SMARCA5: variants seen among roughly 807,000 people sequenced by gnomAD.
The protein encoded by SMARCA5 is SNF2 related chromatin remodeling ATPase 5.
SMARCA5 carries 18 observed loss-of-function variants against 140.4 expected under a neutral mutation model. That is an observed-to-expected ratio of 0.13 (90% CI 0.09 to 0.19). The LOEUF is 0.19. Among genes scored for constraint, SMARCA5 ranks in the 10% least tolerant of loss-of-function variants. SMARCA5 has a pLI of 1.00. For synonymous variants in SMARCA5, 449 were observed against 419.6 expected (o/e 1.07, Z -0.86); for missense variants, 606 against 1,276.8 (o/e 0.47, Z 8.01).
chr4:143,539,062 G>A, intron 13 of SMARCA5, 124 bp downstream of exon 13: 1 of 832,662 alleles, frequency 1.2e-6, no homozygotes, highest in South Asian at 1.7e-5. Flanking sequence ...TAATGGTTCA[G>A]TGAGAGTATA....
Position 143,526,305 on chromosome 4 carries a change from A to G in SMARCA5, c.646A>G (p.Ile216Val). ...EMGLGKTLQT[I>V]SLLGYMKHYR... Reference sequence around the variant, plus strand: ...GGGCCTAGGAAAGACTCTTCAAACAATTTCTCTTCTTGGGTACATGAAACA... The same window carrying G: ...GGGCCTAGGAAAGACTCTTCAAACAGTTTCTCTTCTTGGGTACATGAAACA... The change falls in exon 6 of 24, where the codon ATT becomes GTT. Residue 216 changes from isoleucine to valine, a missense_variant. Coordinates refer to ENST00000283131, the MANE Select transcript of SMARCA5 (RefSeq NM_003601.4). 1 of 1,613,900 alleles carries G rather than the reference A, an allele frequency of 6.2e-7. No individual in the cohort carries two copies. The highest frequency in any genetic ancestry group is 8.5e-7 in the Non-Finnish European group (1 of 1,179,918).
intron 18 of SMARCA5, 48 bp downstream of exon 18, chr4:143,545,631 G>T (rs773558899): frequency 1.8e-6 from 2 of 1,127,556 alleles, no homozygotes; most frequent in South Asian, 2.6e-5. Flanking sequence ...CAGAAATTAT[G>T]GAAGGTATAA....
At chr4:143,514,870 G>GA (rs34359057) in intron 1 of SMARCA5, among the ~76,000 whole-genome samples, 16 of 148,760 alleles carry the variant, frequency 1.1e-4, no homozygotes, top group South Asian at 2.1e-4. Flanking sequence ...CTGGCCTTAA[G>GA]AAAAAAAAAA....
At chr4:143,523,124 T>G (rs1358947408) in intron 3 of SMARCA5, among the ~76,000 whole-genome samples, 1 of 151,818 alleles carries the variant, frequency 6.6e-6, no homozygotes, top group Non-Finnish European at 1.5e-5. Flanking sequence ...CTGCAAGTTG[T>G]GCCTCTGGGG....
rs1247794731 is a variant in SMARCA5 at position 143,555,108 on chromosome 4, TACTACTGCTACTGGAACTGCCTTAACC to T, written c.*1949_*1975del. ...TAAAATCTTCTGTCAGTGCCACAGCTACTACTGCTACTGGAACTGCCTTAACCACTACTGCTACTGGAACTGCCTTAG... is the reference window on the plus strand; with the variant it reads ...TAAAATCTTCTGTCAGTGCCACAGCTACTACTGCTACTGGAACTGCCTTAG... On this transcript the variant is annotated 3_prime_UTR_variant, in exon 24 of 24. Coordinates refer to ENST00000283131, the MANE Select transcript of SMARCA5 (RefSeq NM_003601.4). 1.3e-5 allele frequency: 9 copies of T among 668,032 alleles called. No individual in the cohort carries two copies. Among genetic ancestry groups the T allele is most frequent in the East Asian group, 8.5e-5 (3 of 35,346 alleles). The allele number at this position is 668,032 out of a possible 1,614,324, so 41.4% of individuals were successfully genotyped here.
chr4:143,550,207 AC>A (rs1011459602), intron 23 of SMARCA5, 103 bp downstream of exon 23: 29 of 472,940 alleles, frequency 6.1e-5, no homozygotes, highest in African/African-American at 5.2e-4. Context: ...CCTGTTGTGC[AC>A]CCCTCCATTG....
Position 143,547,925 on chromosome 4 carries a change from T to C in SMARCA5, c.2773-3T>C. 1 of 1,523,782 alleles carries C rather than the reference T, an allele frequency of 6.6e-7. No individual in the cohort carries two copies. The highest frequency in any genetic ancestry group is 1.2e-5 in the South Asian group (1 of 80,934). 94.4% of individuals were successfully genotyped at this position (1,523,782 alleles called of 1,614,324 possible). A position where few individuals can be genotyped will look rare whatever the true frequency, so the allele number is the denominator to read the frequency against. On this transcript the variant is annotated splice_polypyrimidine_tract_variant and splice_region_variant and intron_variant, in intron 21 of 23. Transcript: ENST00000283131. ...TATATAATATAAAATCTGACTTTCA[T>C]AGATTGGACGGTACAAAGCACCTTT...
At chr4:143,532,837 A>T (rs1048909027) in intron 9 of SMARCA5, among the ~76,000 whole-genome samples, 1 of 152,112 alleles carries the variant, frequency 6.6e-6, no homozygotes, top group Non-Finnish European at 1.5e-5. Context: ...GGGGTTATCC[A>T]GTTACATTTA....
intron 1 of SMARCA5, among the ~76,000 whole-genome samples, chr4:143,516,713 T>TG (rs79839175): frequency 0.22 from 34,193 of 152,108 alleles, 4,236 homozygotes; most frequent in East Asian, 0.6. Context: ...GCATCATTAA[T>TG]GAAGATTACT....
rs1315692455 is a variant in SMARCA5 at position 143,557,206 on chromosome 4, A to G, written c.*4022A>G. 1.3e-5 allele frequency: 2 copies of G among 152,234 alleles called. No homozygotes were observed. The highest frequency in any genetic ancestry group is 2.9e-5 in the Non-Finnish European group (2 of 68,056). 9.4% of individuals were successfully genotyped at this position (152,234 alleles called of 1,614,324 possible). ...TGTGGCTCTTATCTCTAGGACACCA[A>G]TATTTAATGTTGCATATCATGTATC... On this transcript the variant is annotated 3_prime_UTR_variant, in exon 24 of 24. Transcript: ENST00000283131.
At position 143,536,446 on chromosome 4, in the gene SMARCA5, G is replaced by A; in HGVS notation, c.1269-6G>A. 1 of 1,594,310 alleles carries A rather than the reference G, an allele frequency of 6.3e-7. No homozygotes were observed. Among genetic ancestry groups the A allele is most frequent in the Non-Finnish European group, 8.6e-7 (1 of 1,162,326 alleles). On this transcript the variant is annotated splice_region_variant and splice_polypyrimidine_tract_variant and intron_variant, in intron 10 of 23. Transcript: ENST00000283131. ...AGCTCTAAAAATGTTTTTCTTCTTTGAATAGGTATACTCGGATATTAATGA... is the reference window on the plus strand; with the variant it reads ...AGCTCTAAAAATGTTTTTCTTCTTTAAATAGGTATACTCGGATATTAATGA...
At chr4:143,551,010 A>C (rs997568714) in intron 23 of SMARCA5, among the ~76,000 whole-genome samples, 1 of 151,954 alleles carries the variant, frequency 6.6e-6, no homozygotes, top group African/African-American at 2.4e-5. Flanking sequence ...GATTGTACTA[A>C]TTTGCGTTCC....
intron 11 of SMARCA5, 136 bp downstream of exon 11, chr4:143,536,814 T>C: frequency 1.5e-6 from 1 of 653,782 alleles, no homozygotes; most frequent in Non-Finnish European, 2.7e-6. Flanking sequence ...ACCTGTTCAT[T>C]ATCTGAGCTC....
intron 4 of SMARCA5, among the ~76,000 whole-genome samples, chr4:143,524,858 T>TA (rs1230888463): frequency 6.6e-6 from 1 of 152,198 alleles, no homozygotes; most frequent in Non-Finnish European, 1.5e-5. Flanking sequence ...GTTAGCTTTT[T>TA]ATCCTCAAGT....
intron 4 of SMARCA5, 113 bp from the exon 5 acceptor site, chr4:143,525,338 A>C (rs1047501098): frequency 1.4e-5 from 10 of 709,528 alleles, no homozygotes; most frequent in Non-Finnish European, 2.5e-5. Flanking sequence ...GTTCCTATTC[A>C]AGAATCCGTT....
intron 14 of SMARCA5, 73 bp from the exon 15 acceptor site, chr4:143,543,436 A>T: frequency 8.4e-7 from 1 of 1,195,786 alleles, no homozygotes; most frequent in Non-Finnish European, 1.2e-6. Flanking sequence ...ATTAAACCTT[A>T]CATTTAAAGT....
rs1035426222 is a variant in SMARCA5 at position 143,557,207 on chromosome 4, T to C, written c.*4023T>C. ...GTGGCTCTTATCTCTAGGACACCAATATTTAATGTTGCATATCATGTATCT... is the reference window on the plus strand; with the variant it reads ...GTGGCTCTTATCTCTAGGACACCAACATTTAATGTTGCATATCATGTATCT... On this transcript the variant is annotated 3_prime_UTR_variant, in exon 24 of 24. Coordinates refer to ENST00000283131, the MANE Select transcript of SMARCA5 (RefSeq NM_003601.4). The C allele has an allele frequency of 6.6e-6, 1 of 152,222 alleles. No individual in the cohort carries two copies. The highest frequency in any genetic ancestry group is 2.4e-5 in the African/African-American group (1 of 41,450). 9.4% of individuals were successfully genotyped at this position (152,222 alleles called of 1,614,324 possible).
At chr4:143,534,679 T>A (rs1003059381) in intron 9 of SMARCA5, among the ~76,000 whole-genome samples, 176 bp from the exon 10 acceptor site, 1 of 152,182 alleles carries the variant, frequency 6.6e-6, no homozygotes, top group African/African-American at 2.4e-5. Flanking sequence ...GGACAGGAAC[T>A]AGTCTCCCAC....
In SMARCA5 at chr4:143,532,668, C is replaced by A. The variant is rs1003563893; in HGVS notation, c.1158+2142C>A. 2.0e-5 allele frequency among the ~76,000 whole-genome samples: 3 copies of A among 151,958 alleles called. No individual in the cohort carries two copies. The South Asian group carries it at 6.2e-4, about 32-fold the overall frequency. ...TAGTTATCTAATGCTGCAAAAGAAC[C>A]CCTTATTCCCTCCACCCCCCAAAAA... On this transcript the variant is annotated intron_variant, in intron 9 of 23. Coordinates refer to ENST00000283131, the MANE Select transcript of SMARCA5 (RefSeq NM_003601.4).
Sources: allele counts gnomAD v4.1 joint callset (sites outside exome capture counted in the v4.1 genomes callset), GRCh38; gene constraint gnomAD v4.1.1; transcripts MANE v1.5; gene names NCBI Gene and HGNC (gene_info 2026-07-23, HGNC 2026-07-21).